NIPAL2: variants seen among roughly 807,000 people sequenced by gnomAD.
NIPAL2 encodes NIPA-like protein 2.
A neutral mutation model predicts 48.9 loss-of-function variants in NIPAL2; 43 were observed. The observed-to-expected ratio is 0.88, with a 90% CI of 0.69 to 1.13. NIPAL2 has a LOEUF of 1.13. NIPAL2 is among the 50% of genes most tolerant of loss of function. The pLI is 0.00. For synonymous variants in NIPAL2, 167 were observed against 174.6 expected (o/e 0.96, Z 0.34); for missense variants, 446 against 461.4 (o/e 0.97, Z 0.31).
intron 1 of NIPAL2, among the ~76,000 whole-genome samples, chr8:98,280,018 T>C (rs1815706246): frequency 6.6e-6 from 1 of 152,254 alleles, no homozygotes; most frequent in Non-Finnish European, 1.5e-5. Context: ...AATAACAATT[T>C]TCTATCCTAC....
chr8:98,207,151 C>T (rs1248347292), intron 6 of NIPAL2, among the ~76,000 whole-genome samples: 3 of 152,178 alleles, frequency 2.0e-5, no homozygotes, highest in African/African-American at 2.4e-5. Flanking sequence ...AGGAGTTGAA[C>T]GTACTGTTCC....
At chr8:98,268,986 T>G (rs190599598) in intron 1 of NIPAL2, among the ~76,000 whole-genome samples, 70 of 152,342 alleles carry the variant, frequency 4.6e-4, no homozygotes, top group African/African-American at 1.4e-3. Context: ...GATTCCATCT[T>G]AAGAAACCCC....
intron 8 of NIPAL2, among the ~76,000 whole-genome samples, chr8:98,200,110 A>C (rs1810733286): frequency 1.3e-5 from 2 of 152,158 alleles, no homozygotes; most frequent in South Asian, 4.1e-4. Context: ...GCACTGCCAC[A>C]CCTGGCTATT....
intron 1 of NIPAL2, among the ~76,000 whole-genome samples, chr8:98,287,941 C>T (rs1816269034): frequency 6.6e-6 from 1 of 152,134 alleles, no homozygotes; most frequent in Admixed American, 6.5e-5. Flanking sequence ...CATAAGCTAA[C>T]AAAATGAATA....
At chr8:98,284,358 C>T (rs1816029393) in intron 1 of NIPAL2, among the ~76,000 whole-genome samples, 1 of 151,950 alleles carries the variant, frequency 6.6e-6, no homozygotes, top group African/African-American at 2.4e-5. Context: ...AAGGTGACTT[C>T]TAACCACTCT....
At chr8:98,233,037 A>G (rs1401879607) in intron 4 of NIPAL2, among the ~76,000 whole-genome samples, 7 of 152,178 alleles carry the variant, frequency 4.6e-5, no homozygotes, top group Admixed American at 4.6e-4. Context: ...AGGTGCGTGG[A>G]TCATGAGCTC....
chr8:98,246,764 A>G (rs1813328218), intron 3 of NIPAL2, among the ~76,000 whole-genome samples: 1 of 152,206 alleles, frequency 6.6e-6, no homozygotes, highest in South Asian at 2.1e-4. Flanking sequence ...ACTCAGAGGC[A>G]TAGAACTGAA....
chr8:98,217,326 G>A (rs890664955), intron 5 of NIPAL2: 2 of 845,556 alleles, frequency 2.4e-6, no homozygotes, highest in Non-Finnish European at 2.8e-6. Flanking sequence ...GTTGATGTGA[G>A]CCAGTGGGTG....
chr8:98,288,251 T>C (rs1816295174), intron 1 of NIPAL2, among the ~76,000 whole-genome samples: 1 of 141,562 alleles, frequency 7.1e-6, no homozygotes, highest in African/African-American at 2.6e-5. Flanking sequence ...CCATGTGATC[T>C]CATTGTTCAA....
intron 5 of NIPAL2, among the ~76,000 whole-genome samples, chr8:98,220,955 C>T (rs917897785): frequency 6.0e-5 from 8 of 134,282 alleles, no homozygotes; most frequent in Non-Finnish European, 1.1e-4. Flanking sequence ...TCTATCAGTT[C>T]ATTTCATTCT....
In NIPAL2 at chr8:98,253,969, T is replaced by C. The variant is rs371213081; in HGVS notation, c.204+50A>G. On this transcript the variant is annotated intron_variant, in intron 2 of 10. Transcript: ENST00000430223. ...TGCCCAATGCCCATGAGAGTCATAA[T>C]GTGTCCCTGGATCAATCTATAGTGT... is the stretch of plus-strand genomic sequence containing the variant. 27 of 1,292,976 alleles carry C rather than the reference T, an allele frequency of 2.1e-5. No homozygotes were observed. The African/African-American group carries it at 3.4e-4, about 16-fold the overall frequency. The allele number at this position is 1,292,976 out of a possible 1,614,324, so 80.1% of individuals were successfully genotyped here.
At chr8:98,229,014 G>C (rs1812312651) in intron 4 of NIPAL2, among the ~76,000 whole-genome samples, 1 of 152,154 alleles carries the variant, frequency 6.6e-6, no homozygotes, top group Non-Finnish European at 1.5e-5. Context: ...AGAGTCCCAA[G>C]ATCTGGATAT....
intron 4 of NIPAL2, among the ~76,000 whole-genome samples, chr8:98,226,187 A>G (rs1042591736): frequency 6.6e-6 from 1 of 152,178 alleles, no homozygotes; most frequent in Non-Finnish European, 1.5e-5. Flanking sequence ...GAAAGGTTAC[A>G]TAACCTTGCC....
chr8:98,193,113 G>T (rs75472501), intron 10 of NIPAL2, 23 bp from the exon 11 acceptor site: 2 of 1,564,100 alleles, frequency 1.3e-6, no homozygotes, highest in Non-Finnish European at 1.8e-6. Context: ...TAATCATAGA[G>T]AATCTTTTGA....
intron 1 of NIPAL2, among the ~76,000 whole-genome samples, chr8:98,268,371 G>C (rs1484134891): frequency 1.3e-5 from 2 of 151,932 alleles, no homozygotes; most frequent in Admixed American, 6.6e-5. Context: ...CTGTCATCCC[G>C]GCATTTTGGG....
At chr8:98,267,272 A>G (rs140090211) in intron 1 of NIPAL2, among the ~76,000 whole-genome samples, 277 of 152,234 alleles carry the variant, frequency 1.8e-3, no homozygotes, top group Middle Eastern at 3.4e-3. Context: ...TATTTTTCTC[A>G]GAAAACGACT....
chr8:98,259,355 G>A (rs11785204), intron 1 of NIPAL2, among the ~76,000 whole-genome samples: 39,653 of 151,826 alleles, frequency 0.26, 6,039 homozygotes, highest in Admixed American at 0.36. Context: ...GATTACAGGC[G>A]TGAGCCACCG....
chr8:98,289,094 A>C (rs1405468439), intron 1 of NIPAL2, among the ~76,000 whole-genome samples: 2 of 144,922 alleles, frequency 1.4e-5, no homozygotes, highest in Non-Finnish European at 3.0e-5. Flanking sequence ...TTTCCTCATA[A>C]AAATGATTTT....
intron 1 of NIPAL2, among the ~76,000 whole-genome samples, chr8:98,265,024 A>G (rs1318594936): frequency 3.1e-4 from 45 of 143,442 alleles, no homozygotes; most frequent in Middle Eastern, 3.5e-3. Context: ...AAAACAAGCA[A>G]TGGGGAAAGG....
Sources: allele counts gnomAD v4.1 joint callset (sites outside exome capture counted in the v4.1 genomes callset), GRCh38; gene constraint gnomAD v4.1.1; transcripts MANE v1.5; gene names NCBI Gene and HGNC (gene_info 2026-07-23, HGNC 2026-07-21).